Variants in DRC7 observed in about 807,000 individuals in gnomAD.
DRC7 encodes the protein coiled-coil domain containing 135.
A neutral mutation model predicts 104.4 loss-of-function variants in DRC7; 80 were observed. The observed-to-expected ratio is 0.77, with a 90% confidence interval of 0.64 to 0.92. The LOEUF (loss-of-function observed/expected upper bound fraction) is 0.92, where lower values mean the gene tolerates loss of function less well. DRC7 is among the 40% of genes least tolerant of loss of function. The pLI is 0.00. For missense variants in DRC7, 1,034 were observed against 1,141.1 expected, an observed-to-expected ratio of 0.91 and a Z score of 1.35; for synonymous variants, 405 against 447.3, an observed-to-expected ratio of 0.91 and a Z score of 1.19.
At chr16:57,729,921 G>A in intron 17 of DRC7, among the ~76,000 whole-genome samples, 1 of 121,004 alleles carries the variant, frequency 8.3e-6, no homozygotes, top group Non-Finnish European at 1.7e-5. Flanking sequence ...TGGGTGGATG[G>A]ATGAGTGGGT....
intron 8 of DRC7, among the ~76,000 whole-genome samples, chr16:57,710,776 A>AT (rs1369896960): frequency 6.6e-6 from 1 of 152,182 alleles, no homozygotes; most frequent in Non-Finnish European, 1.5e-5. Flanking sequence ...GTTTATCTAC[A>AT]TGGTAAGTTA....
rs747223592 is a variant in DRC7, at chr16:57,721,704, A to G, written c.1244A>G (p.His415Arg). The G allele has an allele frequency of 1.5e-5, 25 of 1,613,480 alleles. No homozygotes were observed. The highest frequency in any genetic ancestry group is 2.0e-5 in the Non-Finnish European group (24 of 1,179,838). Reference protein sequence around the residue: ...EDEDKSFDMPHSWVEQIEISP... With the variant: ...EDEDKSFDMPRSWVEQIEISP... ...GAGGATAAGAGCTTCGACATGCCCCACTCGTGGGTGGAGCAGATTGAGATC... is the reference window on the plus strand; with the variant it reads ...GAGGATAAGAGCTTCGACATGCCCCGCTCGTGGGTGGAGCAGATTGAGATC... The change falls in exon 10 of 19, where the codon CAC becomes CGC. Residue 415 changes from histidine to arginine, a missense_variant. By Grantham distance (29) the His-to-Arg change is conservative. Transcript: ENST00000360716.
intron 8 of DRC7, among the ~76,000 whole-genome samples, chr16:57,708,419 T>A (rs2048756362): frequency 6.6e-6 from 1 of 152,248 alleles, no homozygotes; most frequent in South Asian, 2.1e-4. Context: ...TGAAATTCAT[T>A]GTGGTTTTTT....
rs1349000507 is a variant in DRC7 at position 57,726,846 on chromosome 16, G to A, written c.1989G>A (p.Glu663=). 2.5e-6 allele frequency: 4 copies of A among 1,611,666 alleles called. No homozygotes were observed. The highest frequency in any genetic ancestry group is 1.3e-5 in the African/African-American group (1 of 74,860). The change falls in exon 15 of 19, where the codon GAG becomes GAA. Residue 663 remains glutamate, a synonymous_variant. Coordinates refer to ENST00000360716, the MANE Select transcript of DRC7 (RefSeq NM_001289162.2). ...MCISFEVEPM[E]HTKKLLYQYE... is the part of the protein sequence containing the mutation. ...TGTTGTCCCAGGTGGAGCCCATGGA[G>A]CACACCAAGAAGCTGCTCTACCAGT...
chr16:57,716,287 G>A (rs1164392896), intron 8 of DRC7, among the ~76,000 whole-genome samples: 1 of 152,126 alleles, frequency 6.6e-6, no homozygotes, highest in African/African-American at 2.4e-5. Flanking sequence ...TGGATCACTT[G>A]AGGCCAGGAG....
chr16:57,714,471 A>G lies in DRC7; in HGVS notation c.1078-3876A>G, dbSNP rs116626339. The G allele has an allele frequency of 6.5e-3, 1,013 of 155,730 alleles. 9 individuals carry two copies. The highest frequency in any genetic ancestry group is 0.023 in the African/African-American group (945 of 41,536). 9.6% of individuals were successfully genotyped at this position (155,730 alleles called of 1,614,324 possible). ...CCTCGTCTCTATAAAAAAAAATTCA[A>G]AAAAATTAGCCAGGCATGATGGCAT... is the stretch of plus-strand genomic sequence containing the variant. On this transcript the variant is annotated intron_variant, in intron 8 of 18. Transcript: ENST00000360716.
rs753729583 is a variant in DRC7, at chr16:57,698,975, C to G, written c.329C>G (p.Pro110Arg). 3.7e-6 allele frequency: 6 copies of G among 1,614,192 alleles called. No homozygotes were observed. In the Admixed American group the frequency reaches 5.0e-5, roughly 13 times the overall value. ...TCCCGCCAGTACAGCCATCTGTGCC[C>G]GGACCGCGTGCCCCTCTTCCTGCAC... The part of the protein sequence containing the change: ...NFSRQYSHLC[P>R]DRVPLFLHPL... The change falls in exon 4 of 19, where the codon CCG becomes CGG. Residue 110 changes from proline (P) to arginine (R), a missense_variant. By Grantham distance (103) the Pro-to-Arg change is moderately radical. Transcript: ENST00000360716.
intron 10 of DRC7, among the ~76,000 whole-genome samples, 196 bp from the exon 11 acceptor site, chr16:57,722,517 T>G (rs1207608579): frequency 2.0e-5 from 3 of 152,116 alleles, no homozygotes; most frequent in African/African-American, 7.2e-5. Flanking sequence ...GATCTGTGCT[T>G]CTGCCTGGCC....
intron 7 of DRC7, 56 bp from the exon 8 acceptor site, chr16:57,707,404 C>T (rs2048743059): frequency 5.3e-6 from 8 of 1,518,956 alleles, no homozygotes; most frequent in Admixed American, 3.6e-5. Flanking sequence ...ATGTCTGGGC[C>T]CCTGACACTC....
intron 9 of DRC7, among the ~76,000 whole-genome samples, 169 bp from the exon 10 acceptor site, chr16:57,721,498 G>A (rs371919640): frequency 2.8e-4 from 42 of 152,134 alleles, no homozygotes; most frequent in Admixed American, 1.1e-3. Flanking sequence ...GCCCAGAGTC[G>A]ACTCCTCCTT....
At chr16:57,704,376 TACACAC>T (rs55873452) in intron 6 of DRC7, among the ~76,000 whole-genome samples, 12,146 of 149,030 alleles carry the variant, frequency 0.082, 580 homozygotes, top group African/African-American at 0.14. Flanking sequence ...CACGCAAGCG[TACACAC>T]ACACACACAC....
Position 57,726,256 on chromosome 16 carries a change from G to T in DRC7, c.1947G>T (p.Met649Ile), listed in dbSNP as rs1211350016. ...ACAGCAAAGGCAACAAGATCATCAT[G>T]ACGCCCGACATGTGCATCAGCTTCG... ...EVDSKGNKII[M>I]TPDMCISFEV... The change falls in exon 14 of 19, where the codon ATG (methionine) becomes ATT (isoleucine). Residue 649 changes from methionine (M) to isoleucine (I), a missense_variant. Met to Ile is a conservative substitution (Grantham distance 10, BLOSUM62 1). Coordinates refer to ENST00000360716, the MANE Select transcript of DRC7 (RefSeq NM_001289162.2). 6.2e-7 allele frequency: 1 copy of T among 1,612,566 alleles called. No individual in the cohort carries two copies. The highest frequency in any genetic ancestry group is 1.3e-5 in the African/African-American group (1 of 74,944).
chr16:57,709,579 A>G (rs2048771315), intron 8 of DRC7, among the ~76,000 whole-genome samples: 1 of 151,910 alleles, frequency 6.6e-6, no homozygotes, highest in African/African-American at 2.4e-5. Flanking sequence ...TTTTTCATCT[A>G]TTAAATGATC....
At position 57,726,076 on chromosome 16, in the gene DRC7, A is replaced by G. The variant is rs2048960334; in HGVS notation, c.1767A>G (p.Thr589=). ...ESNPRPIVKI[T]ERFFRNPAKP... The stretch of plus-strand genomic sequence containing the variant: ...ATGTTCTGGCCTCCCAGAAAATCAC[A>G]GAGCGGTTCTTCCGCAACCCAGCGA... The change falls in exon 14 of 19, where the codon ACA becomes ACG. Residue 589 remains threonine, a synonymous_variant. Coordinates refer to ENST00000360716, the MANE Select transcript of DRC7 (RefSeq NM_001289162.2). 2 of 1,613,036 alleles carry G rather than the reference A, an allele frequency of 1.2e-6. No homozygotes were observed. Among genetic ancestry groups the G allele is most frequent in the Non-Finnish European group, 1.7e-6 (2 of 1,179,772 alleles).
At chr16:57,718,798 G>A (rs1286842528) in intron 9 of DRC7, among the ~76,000 whole-genome samples, 1 of 151,986 alleles carries the variant, frequency 6.6e-6, no homozygotes, top group Non-Finnish European at 1.5e-5. Context: ...TGCCAGCCTG[G>A]GCAACATAGT....
At chr16:57,707,059 G>A (rs1351485860) in intron 7 of DRC7, among the ~76,000 whole-genome samples, 2 of 151,512 alleles carry the variant, frequency 1.3e-5, no homozygotes, top group Non-Finnish European at 2.9e-5. Context: ...TTCTTTTCTG[G>A]TCCAGACCTA....
intron 6 of DRC7, among the ~76,000 whole-genome samples, chr16:57,703,126 G>T (rs563849963): frequency 1.1e-4 from 16 of 140,066 alleles, no homozygotes; most frequent in African/African-American, 3.5e-4. Context: ...CAATCCTCCC[G>T]CCTCAGCCTT....
intron 6 of DRC7, among the ~76,000 whole-genome samples, chr16:57,702,661 C>A (rs1247132044): frequency 1.3e-5 from 2 of 152,092 alleles, no homozygotes; most frequent in Admixed American, 1.3e-4. Context: ...ATTAGCCACG[C>A]ATGGTGGCAT....
chr16:57,723,121 G>A lies in DRC7; in HGVS notation c.1528G>A (p.Ala510Thr), dbSNP rs761994031. The A allele has an allele frequency of 1.2e-6, 2 of 1,613,626 alleles. No individual in the cohort carries two copies. The highest frequency in any genetic ancestry group is 1.7e-6 in the Non-Finnish European group (2 of 1,179,940). ...TDYFKPGHPQ[A>T]LRVHSYKSMQ... The stretch of plus-strand genomic sequence containing the variant: ...CTACTTCAAGCCTGGCCACCCCCAG[G>A]CTCTGCGCGGTGCGTGGCTCCCCTT... The change falls in exon 12 of 19, where the codon GCT becomes ACT. Residue 510 changes from alanine (A) to threonine (T), a missense_variant. Physicochemically the swap from Ala to Thr is moderately conservative, Grantham distance 58. Transcript: ENST00000360716.
Sources: allele counts gnomAD v4.1 joint callset (sites outside exome capture counted in the v4.1 genomes callset), GRCh38; gene constraint gnomAD v4.1.1; transcripts MANE v1.5; gene names NCBI Gene and HGNC (gene_info 2026-07-23, HGNC 2026-07-21).